MTUS2: variants seen among roughly 807,000 people sequenced by gnomAD.
The protein encoded by MTUS2 is microtubule-associated tumor suppressor candidate 2.
A neutral mutation model predicts 114.1 loss-of-function variants in MTUS2; 40 were observed. That is an observed-to-expected ratio of 0.35 (90% confidence interval 0.27 to 0.46). The LOEUF (loss-of-function observed/expected upper bound fraction) is 0.46. Ranked by LOEUF, MTUS2 falls within the 20% of genes least tolerant of loss-of-function variation. MTUS2 has a pLI of 1.00. For synonymous variants in MTUS2, 688 were observed against 672.0 expected, an observed-to-expected ratio of 1.02 and a Z score of -0.37; for missense variants, 1,679 against 1,705.4, an observed-to-expected ratio of 0.98 and a Z score of 0.27.
intron 8 of MTUS2, among the ~76,000 whole-genome samples, chr13:29,409,796 TC>T (rs1230736365): frequency 6.9e-6 from 1 of 144,452 alleles, no homozygotes; most frequent in Non-Finnish European, 1.6e-5. Context: ...TCTTCATTCG[TC>T]TTTTTTTTTT....
chr13:28,998,233 G>T (rs1398066012), intron 2 of MTUS2, among the ~76,000 whole-genome samples: 1 of 152,152 alleles, frequency 6.6e-6, no homozygotes, highest in Non-Finnish European at 1.5e-5. Context: ...CTCTCTTCTG[G>T]CTTGTAGAGT....
At chr13:28,896,049 C>T (rs996459728) in intron 2 of MTUS2, among the ~76,000 whole-genome samples, 3 of 152,064 alleles carry the variant, frequency 2.0e-5, no homozygotes, top group East Asian at 1.9e-4. Flanking sequence ...ACATTTTTAT[C>T]GGCAGTGTCT....
intron 5 of MTUS2, among the ~76,000 whole-genome samples, chr13:29,173,449 T>C (rs1395136214): frequency 6.6e-6 from 1 of 152,198 alleles, no homozygotes; most frequent in Non-Finnish European, 1.5e-5. Context: ...TATTTTAGAA[T>C]TGGTTTACCT....
intron 2 of MTUS2, among the ~76,000 whole-genome samples, chr13:28,911,407 C>A (rs922205011): frequency 3.9e-5 from 6 of 151,982 alleles, no homozygotes; most frequent in African/African-American, 1.5e-4. Context: ...ATCTCCTGAC[C>A]TCGTGATCCA....
At chr13:29,070,128 A>G (rs1888848012) in intron 4 of MTUS2, among the ~76,000 whole-genome samples, 1 of 152,128 alleles carries the variant, frequency 6.6e-6, no homozygotes, top group South Asian at 2.1e-4. Context: ...TTTACTGGAC[A>G]CCAGCTGTGC....
chr13:29,302,601 A>T (rs1593279449), intron 6 of MTUS2, among the ~76,000 whole-genome samples: 1 of 152,184 alleles, frequency 6.6e-6, no homozygotes, highest in African/African-American at 2.4e-5. Flanking sequence ...ACAACTTAAG[A>T]ATCACTAGCT....
intron 6 of MTUS2, among the ~76,000 whole-genome samples, chr13:29,286,672 G>GTCTATCTATCTATCTATCTATCTA (rs1555261573): frequency 0.054 from 5,963 of 110,944 alleles, 166 homozygotes; most frequent in African/African-American, 0.065. Context: ...CTGTCTGTCT[G>GTCTATCTATCTATCTATCTATCTA]TCTATCTATC....
chr13:29,489,566 C>T (rs943715366), intron 11 of MTUS2: 2 of 152,164 alleles, frequency 1.3e-5, no homozygotes, highest in African/African-American at 2.4e-5. Context: ...TCTCTACCCT[C>T]GGCTACACAT....
intron 5 of MTUS2, among the ~76,000 whole-genome samples, chr13:29,211,609 A>T (rs538117284): frequency 4.6e-5 from 7 of 152,276 alleles, no homozygotes; most frequent in Non-Finnish European, 1.0e-4. Context: ...GGGGTCTGAG[A>T]GTGCCCACGG....
chr13:29,209,674 C>A (rs1046234893), intron 5 of MTUS2, among the ~76,000 whole-genome samples: 7 of 152,092 alleles, frequency 4.6e-5, no homozygotes, highest in Non-Finnish European at 1.0e-4. Context: ...CTGTATCTTT[C>A]TTTCATTTAT....
chr13:29,224,065 C>G (rs2139333293), intron 5 of MTUS2, among the ~76,000 whole-genome samples: 1 of 152,326 alleles, frequency 6.6e-6, no homozygotes, highest in East Asian at 1.9e-4. Flanking sequence ...ACCTGGTTGC[C>G]CTTGGCAGGA....
chr13:29,127,544 A>G (rs1265608243), intron 5 of MTUS2, among the ~76,000 whole-genome samples: 1 of 152,198 alleles, frequency 6.6e-6, no homozygotes, highest in African/African-American at 2.4e-5. Flanking sequence ...AGACTGCAAC[A>G]TCAGCTCCTG....
intron 2 of MTUS2, among the ~76,000 whole-genome samples, chr13:28,920,990 C>G (rs1881010877): frequency 1.3e-5 from 2 of 152,234 alleles, no homozygotes; most frequent in South Asian, 4.1e-4. Context: ...GAAATGCTGA[C>G]CAAGGGCCTA....
intron 6 of MTUS2, among the ~76,000 whole-genome samples, chr13:29,304,904 C>A (rs1012939230): frequency 6.6e-6 from 1 of 151,916 alleles, no homozygotes; most frequent in Non-Finnish European, 1.5e-5. Context: ...CACTTCTCAG[C>A]AAATGTAAAA....
chr13:29,272,993 G>A (rs9579311), intron 5 of MTUS2, among the ~76,000 whole-genome samples: 65,800 of 151,980 alleles, frequency 0.43, 14,367 homozygotes, highest in Admixed American at 0.5. Flanking sequence ...CAGGGAGGAA[G>A]GTCCAGGTGC....
intron 9 of MTUS2, among the ~76,000 whole-genome samples, chr13:29,457,262 G>A (rs1008533259): frequency 6.6e-6 from 1 of 152,046 alleles, no homozygotes; most frequent in African/African-American, 2.4e-5. Flanking sequence ...ACAAGATATA[G>A]GATATTTACA....
chr13:28,879,663 G>A (rs183137217), intron 2 of MTUS2, among the ~76,000 whole-genome samples: 2 of 152,288 alleles, frequency 1.3e-5, no homozygotes, highest in Non-Finnish European at 2.9e-5. Context: ...TGCTCTATCT[G>A]CTTTAAGAGA....
At chr13:29,111,754 C>T (rs528156987) in intron 5 of MTUS2, among the ~76,000 whole-genome samples, 9 of 151,904 alleles carry the variant, frequency 5.9e-5, no homozygotes, top group East Asian at 3.9e-4. Flanking sequence ...GTAGACAGAG[C>T]GAAGAGATTG....
chr13:28,841,174 T>C (rs1447619311), intron 2 of MTUS2, among the ~76,000 whole-genome samples: 1 of 152,222 alleles, frequency 6.6e-6, no homozygotes, highest in East Asian at 1.9e-4. Flanking sequence ...ATTAATCTTC[T>C]GATGAAACAA....
Sources: gnomAD v4.1 joint callset for allele counts (sites outside exome capture counted in the v4.1 genomes callset) on GRCh38, gnomAD v4.1.1 for gene constraint, MANE v1.5 for transcripts, NCBI Gene and HGNC (gene_info 2026-07-23, HGNC 2026-07-21) for gene names.